The following HAUS8 variants were observed in gnomAD, a reference collection of about 807,000 sequenced individuals.
HAUS8 encodes the protein HAUS augmin-like complex subunit 8.
In HAUS8, 38 loss-of-function variants were observed where a neutral mutation model predicts 42.9. The observed-to-expected ratio is 0.89, with a 90% CI of 0.68 to 1.16. The LOEUF is 1.16. Ranked by LOEUF, HAUS8 falls within the 50% of genes most tolerant of loss-of-function variation. HAUS8 has a pLI of 0.00. For synonymous variants in HAUS8, 199 were observed against 205.8 expected (o/e 0.97, Z 0.28); for missense variants, 494 against 511.6 (o/e 0.97, Z 0.33).
chr19:17,057,983 A>G (rs556852719), intron 8 of HAUS8, among the ~76,000 whole-genome samples: 3 of 152,346 alleles, frequency 2.0e-5, no homozygotes, highest in African/African-American at 7.2e-5. Flanking sequence ...CAGCCCTCAG[A>G]CAGGGCCAAC....
rs201133088 is a variant in HAUS8 at position 17,052,978 on chromosome 19, G to A, written c.788-12C>T. On this transcript the variant is annotated splice_polypyrimidine_tract_variant and intron_variant, in intron 9 of 10. Transcript: ENST00000253669. The stretch of plus-strand genomic sequence containing the variant: ...ATGCTGCAGGGCGTCTGGAGGGGAA[G>A]AGGGATGGTGGGCGATGGATGGCAA... 5.6e-6 allele frequency: 9 copies of A among 1,614,070 alleles called. No homozygotes were observed. Among genetic ancestry groups the A allele is most frequent in the East Asian group, 2.2e-5 (1 of 44,884 alleles).
At chr19:17,073,508 G>A in intron 1 of HAUS8, 173 bp from the exon 2 acceptor site, 2 of 660,234 alleles carry the variant, frequency 3.0e-6, no homozygotes, top group Non-Finnish European at 5.5e-6. Context: ...GGAGCAGCCA[G>A]CCCTGGTCAC....
intron 9 of HAUS8, chr19:17,055,183 T>C (rs1247629474): frequency 1.9e-5 from 1 of 53,326 alleles, no homozygotes; most frequent in Admixed American, 3.1e-4. Context: ...TATATATATA[T>C]ATATATATAA....
At chr19:17,063,580 G>T (rs1239017943) in intron 3 of HAUS8, among the ~76,000 whole-genome samples, 1 of 152,176 alleles carries the variant, frequency 6.6e-6, no homozygotes, top group Non-Finnish European at 1.5e-5. Context: ...GACTGGATAT[G>T]GGGTGCCCCA....
intron 1 of HAUS8, chr19:17,075,180 C>T (rs2057461530): frequency 1.8e-6 from 1 of 560,304 alleles, no homozygotes; most frequent in East Asian, 3.0e-5. Context: ...GCCCAGCGTC[C>T]CAGCCGAGGA....
chr19:17,069,488 G>A (rs1341848948), intron 2 of HAUS8, among the ~76,000 whole-genome samples: 2 of 150,408 alleles, frequency 1.3e-5, no homozygotes, highest in African/African-American at 2.5e-5. Flanking sequence ...GTGTGTCTAG[G>A]ACTCACTCCT....
chr19:17,053,093 C>G (rs1053827309), intron 9 of HAUS8, 127 bp from the exon 10 acceptor site: 94 of 1,103,266 alleles, frequency 8.5e-5, no homozygotes, highest in Non-Finnish European at 1.1e-4. Context: ...GGAGAGCGCA[C>G]AGGGAAGAAG....
intron 10 of HAUS8, 90 bp from the exon 11 acceptor site, chr19:17,050,266 C>T (rs973419519): frequency 1.3e-5 from 13 of 992,240 alleles, no homozygotes; most frequent in African/African-American, 8.3e-5. Context: ...CACGGGGAGG[C>T]GGATTTTCAC....
chr19:17,052,892 C>T lies in HAUS8; in HGVS notation c.862G>A (p.Val288Met), dbSNP rs1223634380. ...TCGCTCAGTAAGTCCAGCACCTGCA[C>T]ATTTTCTTCCGAATCACCAACATCA... ...ELDVGDSEEN[V>M]QVLDLLSELK... Residue 288 changes from valine (V) to methionine (M), a missense_variant, in exon 10 of 11, where the codon GTG becomes ATG. Val to Met is a conservative substitution (Grantham distance 21). Transcript: ENST00000253669. 6 of 1,614,060 alleles carry T rather than the reference C, an allele frequency of 3.7e-6. No homozygotes were observed. The highest frequency in any genetic ancestry group is 1.1e-5 in the South Asian group (1 of 91,092).
At chr19:17,064,950 A>C (rs1337162866) in intron 3 of HAUS8, among the ~76,000 whole-genome samples, 1 of 152,244 alleles carries the variant, frequency 6.6e-6, no homozygotes, top group Non-Finnish European at 1.5e-5. Context: ...TTTGCAAAGC[A>C]CCACAAAGAG....
chr19:17,071,101 G>A (rs916083849), intron 2 of HAUS8, among the ~76,000 whole-genome samples: 4 of 150,238 alleles, frequency 2.7e-5, no homozygotes, highest in Non-Finnish European at 4.4e-5. Context: ...GCATTGTATC[G>A]GTGCCATAGA....
At chr19:17,075,337 C>A in intron 1 of HAUS8, 57 bp downstream of exon 1, 1 of 1,592,928 alleles carries the variant, frequency 6.3e-7, no homozygotes, top group South Asian at 1.1e-5. Context: ...CTCCGCTGCC[C>A]ATCCTCTCCA....
intron 4 of HAUS8, among the ~76,000 whole-genome samples, 157 bp downstream of exon 4, chr19:17,062,541 C>T (rs919135890): frequency 1.3e-5 from 2 of 152,164 alleles, no homozygotes; most frequent in African/African-American, 2.4e-5. Context: ...CCACTCACCT[C>T]CCCACATCCC....
intron 3 of HAUS8, among the ~76,000 whole-genome samples, chr19:17,066,165 G>A (rs2057386211): frequency 6.6e-6 from 1 of 151,830 alleles, no homozygotes. Context: ...TGTTGCCCAG[G>A]CTGGCCTCAA....
intron 3 of HAUS8, among the ~76,000 whole-genome samples, chr19:17,065,579 C>G (rs898502928): frequency 9.9e-5 from 15 of 152,138 alleles, no homozygotes; most frequent in African/African-American, 3.4e-4. Flanking sequence ...CCTGTAATCC[C>G]AGCACTTTGA....
At chr19:17,072,640 A>G (rs1469503882) in intron 2 of HAUS8, among the ~76,000 whole-genome samples, 1 of 151,536 alleles carries the variant, frequency 6.6e-6, no homozygotes, top group African/African-American at 2.4e-5. Flanking sequence ...GTGTCCAGCC[A>G]CATTTCCTTT....
upstream of HAUS8, chr19:17,075,513 C>T (rs1444959825): frequency 2.8e-6 from 4 of 1,430,290 alleles, no homozygotes; most frequent in African/African-American, 1.4e-5. Context: ...TGTGGAGACG[C>T]AGGAGGGGTG....
intron 8 of HAUS8, 136 bp downstream of exon 8, chr19:17,058,413 A>G: frequency 1.3e-6 from 1 of 785,818 alleles, no homozygotes; most frequent in Non-Finnish European, 2.0e-6. Context: ...GACCAGAGCA[A>G]GTGTGGCATT....
chr19:17,052,613 T>C, intron 10 of HAUS8: 1 of 483,606 alleles, frequency 2.1e-6, no homozygotes, highest in Non-Finnish European at 3.6e-6. Flanking sequence ...CGGGTGCTTT[T>C]GGATGGAGAT....
Sources: gnomAD v4.1 joint callset for allele counts (sites outside exome capture counted in the v4.1 genomes callset) on GRCh38, gnomAD v4.1.1 for gene constraint, MANE v1.5 for transcripts, NCBI Gene and HGNC (gene_info 2026-07-23, HGNC 2026-07-21) for gene names.